The following DGKB variants were observed in gnomAD, a reference collection of about 807,000 sequenced individuals.
The protein encoded by DGKB is 90 kDa diacylglycerol kinase.
A neutral mutation model predicts 114.3 loss-of-function variants in DGKB; 67 were observed. The observed-to-expected ratio is 0.59, with a 90% confidence interval of 0.48 to 0.72. DGKB has a LOEUF of 0.72. DGKB is among the 30% of genes least tolerant of loss of function. The probability of loss-of-function intolerance (pLI) is 0.00; values close to 1 mark genes in which losing one functional copy is unlikely to be tolerated. For synonymous variants in DGKB, 398 were observed against 323.1 expected, an observed-to-expected ratio of 1.23 and a Z score of -2.49; for missense variants, 907 against 975.2, an observed-to-expected ratio of 0.93 and a Z score of 0.93.
chr7:14,958,754 TTC>T (rs1786667975), intron 1 of DGKB, among the ~76,000 whole-genome samples: 2 of 152,068 alleles, frequency 1.3e-5, no homozygotes, highest in African/African-American at 4.8e-5. Context: ...TAAAGCAAGT[TTC>T]CTGACACCTG....
intron 14 of DGKB, among the ~76,000 whole-genome samples, chr7:14,624,979 C>T (rs1001730232): frequency 3.9e-5 from 6 of 152,014 alleles, no homozygotes; most frequent in Admixed American, 6.6e-5. Context: ...TCCTGAGAGA[C>T]AGAGTGAGAC....
chr7:14,538,834 A>T (rs1389059932), intron 20 of DGKB, among the ~76,000 whole-genome samples: 1 of 152,134 alleles, frequency 6.6e-6, no homozygotes, highest in African/African-American at 2.4e-5. Context: ...TTGTGACAAC[A>T]CGGATGGACC....
intron 2 of DGKB, among the ~76,000 whole-genome samples, chr7:14,828,469 C>T (rs988628644): frequency 1.3e-5 from 2 of 152,064 alleles, no homozygotes; most frequent in Non-Finnish European, 2.9e-5. Flanking sequence ...ATAAGAATTT[C>T]CAATCCTCAC....
intron 2 of DGKB, among the ~76,000 whole-genome samples, chr7:14,777,001 G>A (rs1380157380): frequency 2.0e-5 from 3 of 152,204 alleles, no homozygotes; most frequent in African/African-American, 7.2e-5. Context: ...TCCACCTCTT[G>A]CATCAGTATG....
At chr7:14,491,418 T>C (rs1320226654) in intron 20 of DGKB, among the ~76,000 whole-genome samples, 1 of 152,094 alleles carries the variant, frequency 6.6e-6, no homozygotes, top group African/African-American at 2.4e-5. Flanking sequence ...AATCTCTTTT[T>C]CTTTATAAAT....
intron 21 of DGKB, among the ~76,000 whole-genome samples, chr7:14,446,265 T>G (rs914827804): frequency 6.6e-6 from 1 of 152,132 alleles, no homozygotes. Flanking sequence ...AATGTTTCAT[T>G]CAATCGAAAG....
intron 1 of DGKB, among the ~76,000 whole-genome samples, chr7:14,933,889 T>A (rs56181185): frequency 0.21 from 31,926 of 152,002 alleles, 5,216 homozygotes; most frequent in East Asian, 0.63. Flanking sequence ...TGCTTTTTTT[T>A]AAATCAATTA....
In DGKB at chr7:14,574,235, T is replaced by C; in HGVS notation, c.1747A>G (p.Asn583Asp). ...ACCACGCCAATGGAAAAGTAATTATTGATGATACTGTAAGGCACTGGGTCT... is the reference window on the plus strand; with the variant it reads ...ACCACGCCAATGGAAAAGTAATTATCGATGATACTGTAAGGCACTGGGTCT... Reference protein sequence around the residue: ...KGDPVPYSIINNYFSIGVDAS... With the variant: ...KGDPVPYSIIDNYFSIGVDAS... The change falls in exon 20 of 26, where the codon AAT becomes GAT. Residue 583 changes from asparagine to aspartate, a missense_variant. Physicochemically the swap from Asn to Asp is conservative, Grantham distance 23. Coordinates refer to ENST00000402815, the MANE Select transcript of DGKB (RefSeq NM_001350709.2). 1 of 1,613,080 alleles carries C rather than the reference T, an allele frequency of 6.2e-7. No individual in the cohort carries two copies. Among genetic ancestry groups the C allele is most frequent in the Non-Finnish European group, 8.5e-7 (1 of 1,179,476 alleles).
In DGKB at chr7:14,147,209, T is replaced by C. The variant is rs1282571391; in HGVS notation, c.*1922A>G. 6.6e-6 allele frequency: 1 copy of C among 152,196 alleles called. No individual in the cohort carries two copies. Among genetic ancestry groups the C allele is most frequent in the Non-Finnish European group, 1.5e-5 (1 of 68,014 alleles). The allele number at this position is 152,196 out of a possible 1,614,324, so 9.4% of individuals were successfully genotyped here. ...TTTCTTTCTTTCTTTTGGTCTGGAT[T>C]ACTCTTCTGCCAAACAACTTTTTTA... is the stretch of plus-strand genomic sequence containing the variant. On this transcript the variant is annotated 3_prime_UTR_variant, in exon 26 of 26. Transcript: ENST00000402815.
intron 21 of DGKB, among the ~76,000 whole-genome samples, chr7:14,445,717 T>A (rs889419988): frequency 6.6e-5 from 10 of 152,004 alleles, no homozygotes; most frequent in African/African-American, 2.4e-4. Context: ...TTCCCAAGGA[T>A]CATAAAGTAA....
At chr7:14,481,810 A>G (rs1783029611) in intron 20 of DGKB, among the ~76,000 whole-genome samples, 2 of 151,950 alleles carry the variant, frequency 1.3e-5, no homozygotes, top group Non-Finnish European at 2.9e-5. Flanking sequence ...AAAAAGTTTC[A>G]AAAGCTGGTT....
At chr7:14,412,536 T>G (rs911780660) in intron 21 of DGKB, among the ~76,000 whole-genome samples, 2 of 152,172 alleles carry the variant, frequency 1.3e-5, no homozygotes, top group African/African-American at 4.8e-5. Context: ...TAGATGAGCC[T>G]GAGGCTCAGG....
At chr7:14,489,003 G>A (rs1231524257) in intron 20 of DGKB, among the ~76,000 whole-genome samples, 1 of 151,456 alleles carries the variant, frequency 6.6e-6, no homozygotes, top group Non-Finnish European at 1.5e-5. Context: ...ACATGTCACT[G>A]AAGAAACAAA....
intron 15 of DGKB, among the ~76,000 whole-genome samples, chr7:14,616,963 C>T (rs1806654946): frequency 6.6e-6 from 1 of 151,748 alleles, no homozygotes; most frequent in South Asian, 2.1e-4. Context: ...GATTCTCCAC[C>T]ATACTGAATA....
intron 23 of DGKB, among the ~76,000 whole-genome samples, chr7:14,327,508 A>G (rs929504339): frequency 2.0e-5 from 3 of 152,166 alleles, no homozygotes; most frequent in African/African-American, 7.2e-5. Context: ...TTAATATGTC[A>G]GTATATTTTA....
chr7:14,684,402 C>G (rs1015601345), intron 10 of DGKB, among the ~76,000 whole-genome samples: 2 of 152,008 alleles, frequency 1.3e-5, no homozygotes, highest in Admixed American at 1.3e-4. Context: ...TCTGTACAAG[C>G]TGAAAAGGTT....
chr7:14,567,594 G>GATATAT (rs577240186), intron 20 of DGKB, among the ~76,000 whole-genome samples: 1,209 of 98,428 alleles, frequency 0.012, 22 homozygotes, highest in African/African-American at 0.044. Context: ...TATAAATAAA[G>GATATAT]ATATATATAT....
At chr7:14,416,472 G>A (rs914873861) in intron 21 of DGKB, among the ~76,000 whole-genome samples, 3 of 151,918 alleles carry the variant, frequency 2.0e-5, no homozygotes, top group South Asian at 2.1e-4. Context: ...TCAAGTCCTG[G>A]TACGGTTTGG....
intron 23 of DGKB, among the ~76,000 whole-genome samples, chr7:14,212,487 T>A (rs1788273931): frequency 6.6e-6 from 1 of 152,122 alleles, no homozygotes; most frequent in Non-Finnish European, 1.5e-5. Flanking sequence ...CTAGCCTTCT[T>A]TGGCCTCCCT....
Sources: gnomAD v4.1 joint callset for allele counts (sites outside exome capture counted in the v4.1 genomes callset) on GRCh38, gnomAD v4.1.1 for gene constraint, MANE v1.5 for transcripts, NCBI Gene and HGNC (gene_info 2026-07-23, HGNC 2026-07-21) for gene names.